Variants in HTR3A observed in about 807,000 individuals in gnomAD.
HTR3A encodes 5-hydroxytryptamine receptor 3A, also known as 5-hydroxytryptamine (serotonin) receptor 3A, ionotropic.
In HTR3A, 45 loss-of-function variants were observed where a neutral mutation model predicts 54.8. The ratio of observed to expected loss-of-function variants is 0.82; its 90% CI spans 0.65 to 1.05. The LOEUF is 1.05. Among genes scored for constraint, HTR3A ranks in the 50% least tolerant of loss-of-function variants. The pLI, the probability that HTR3A is intolerant of heterozygous loss-of-function variation, is 0.00. For missense variants in HTR3A, 657 were observed against 614.0 expected, an observed-to-expected ratio of 1.07 and a Z score of -0.74; for synonymous variants, 297 against 256.0, an observed-to-expected ratio of 1.16 and a Z score of -1.53.
chr11:113,976,232 C>T (rs1309648761), intron 1 of HTR3A, among the ~76,000 whole-genome samples: 2 of 152,062 alleles, frequency 1.3e-5, no homozygotes, highest in Non-Finnish European at 2.9e-5. Context: ...TAAGCAAACG[C>T]AAGCTGTAAG....
intron 3 of HTR3A, 123 bp downstream of exon 3, chr11:113,979,400 C>A: frequency 1.3e-6 from 1 of 759,592 alleles, no homozygotes; most frequent in South Asian, 1.4e-5. Flanking sequence ...CACCCTCAGC[C>A]TGAGATCCAG....
intron 2 of HTR3A, among the ~76,000 whole-genome samples, chr11:113,978,617 T>C (rs2137570386): frequency 6.6e-6 from 1 of 152,346 alleles, no homozygotes; most frequent in South Asian, 2.1e-4. Flanking sequence ...GCCATCCACC[T>C]GCCTAAGCTT....
intron 5 of HTR3A, among the ~76,000 whole-genome samples, chr11:113,985,709 G>C (rs980586278): frequency 6.6e-6 from 1 of 152,012 alleles, no homozygotes; most frequent in South Asian, 2.1e-4. Flanking sequence ...GTGTGTGTGT[G>C]TGTGTTTGTG....
At position 113,981,331 on chromosome 11, in the gene HTR3A, T is replaced by C; in HGVS notation, c.374+19T>C. 1 of 1,507,768 alleles carries C rather than the reference T, an allele frequency of 6.6e-7. No individual in the cohort carries two copies. The highest frequency in any genetic ancestry group is 9.2e-7 in the Non-Finnish European group (1 of 1,082,754). 93.4% of individuals were successfully genotyped at this position (1,507,768 alleles called of 1,614,324 possible). On this transcript the variant is annotated intron_variant, in intron 4 of 8. Coordinates refer to ENST00000504030, the MANE Select transcript of HTR3A (RefSeq NM_000869.6). Reference sequence around the variant, plus strand: ...ATGAGTTGTGAGTACCGTTATCCATTGTGAGGTGGCTGGGTGGCTTAGGAG... The same window carrying C: ...ATGAGTTGTGAGTACCGTTATCCATCGTGAGGTGGCTGGGTGGCTTAGGAG...
At position 113,989,826 on chromosome 11, in the gene HTR3A, C is replaced by T; in HGVS notation, c.*63C>T. 6.4e-7 allele frequency: 1 copy of T among 1,557,828 alleles called. No homozygotes were observed. Among genetic ancestry groups the T allele is most frequent in the Non-Finnish European group, 8.8e-7 (1 of 1,141,522 alleles). The stretch of plus-strand genomic sequence containing the variant: ...GTTAGGTGGGGACAGAGGATTTCTG[C>T]TTAGGCCCCTCAGGACCCAGGGAAT... On this transcript the variant is annotated 3_prime_UTR_variant, in exon 9 of 9. Coordinates refer to ENST00000504030, the MANE Select transcript of HTR3A (RefSeq NM_000869.6). This position sits in a 1 kb window ranked among gnomAD's most constrained non-coding sequence, Gnocchi z 4.4.
chr11:113,981,010 A>C (rs1309290546), intron 3 of HTR3A, 193 bp from the exon 4 acceptor site: 1 of 603,690 alleles, frequency 1.7e-6, no homozygotes, highest in African/African-American at 1.8e-5. Context: ...TTATGTGTGG[A>C]GGCAGAGTGT....
chr11:113,983,638 G>C (rs1014941955), intron 5 of HTR3A, among the ~76,000 whole-genome samples: 3 of 152,082 alleles, frequency 2.0e-5, no homozygotes, highest in Non-Finnish European at 4.4e-5. Flanking sequence ...TAATATATCA[G>C]TATTCAATGA....
Position 113,977,775 on chromosome 11 carries a change from G to A in HTR3A, c.72G>A (p.Arg24=), listed in dbSNP as rs758434064. The change falls in exon 2 of 9, where the codon AGG becomes AGA. Residue 24 remains arginine, a synonymous_variant. Transcript: ENST00000504030. ...LPTLLAQGEA[R]RSRNTTRPAL... is the part of the protein sequence containing the mutation. ...TTGAACTGTTCTCCTTCCCAGCCAG[G>A]AGGAGCCGAAACACCACCAGGCCCG... 2.5e-6 allele frequency: 4 copies of A among 1,614,010 alleles called. No individual in the cohort carries two copies. Among genetic ancestry groups the A allele is most frequent in the East Asian group, 4.5e-5 (2 of 44,872 alleles).
rs527468113 is a variant in HTR3A, at chr11:113,985,998, G to A, written c.545-17G>A. The A allele has an allele frequency of 5.0e-6, 8 of 1,614,078 alleles. No individual in the cohort carries two copies. Among genetic ancestry groups the A allele is most frequent in the Non-Finnish European group, 6.8e-6 (8 of 1,179,998 alleles). On this transcript the variant is annotated splice_polypyrimidine_tract_variant and intron_variant, in intron 5 of 8. Transcript: ENST00000504030. ...GGGTACTAGATTCCAAAGCTGGCTT[G>A]CTTTATTCTCTCTCAGTCCAGGACA...
chr11:113,989,757 C>T lies in HTR3A; in HGVS notation c.1431C>T (p.Tyr477=), dbSNP rs139863344. The T allele has an allele frequency of 1.9e-5, 31 of 1,610,066 alleles. No individual in the cohort carries two copies. In the East Asian group the frequency reaches 2.2e-4, roughly 12 times the overall value. Residue 477 remains tyrosine, a synonymous_variant, in exon 9 of 9, where the codon TAC becomes TAT. Coordinates refer to ENST00000504030, the MANE Select transcript of HTR3A (RefSeq NM_000869.6). The surrounding 1 kb of genome is among the most constrained non-coding windows in gnomAD (Gnocchi z 4.4). ...TLVMLWSIWQ[Y]A ...TTATGCTCTGGTCCATCTGGCAGTACGCTTGAGTGGGTACAGCCCAGTGGA... is the reference window on the plus strand; with the variant it reads ...TTATGCTCTGGTCCATCTGGCAGTATGCTTGAGTGGGTACAGCCCAGTGGA...
At position 113,989,372 on chromosome 11, in the gene HTR3A, A is replaced by G; in HGVS notation, c.1139-93A>G. On this transcript the variant is annotated intron_variant, in intron 8 of 8. Coordinates refer to ENST00000504030, the MANE Select transcript of HTR3A (RefSeq NM_000869.6). The surrounding 1 kb of genome is among the most constrained non-coding windows in gnomAD (Gnocchi z 4.4). ...AGTGAGAAAAAAAAAGTTATTCCCA[A>G]CAAAAATTTACAGGCTATAGAAGCA... The G allele has an allele frequency of 6.8e-7, 1 of 1,462,924 alleles. No individual in the cohort carries two copies. The allele number at this position is 1,462,924 out of a possible 1,614,324, so 90.6% of individuals were successfully genotyped here.
chr11:113,975,122 C>G lies in HTR3A; in HGVS notation c.-204C>G. The G allele has an allele frequency of 1.4e-6, 1 of 698,772 alleles. No homozygotes were observed. The highest frequency in any genetic ancestry group is 2.6e-6 in the Non-Finnish European group (1 of 384,202). The allele number at this position is 698,772 out of a possible 1,614,324, so 43.3% of individuals were successfully genotyped here. ...TCCTCCCGCCTGAAACATGATCCAG[C>G]TGAAGGACTGATTGCAGGAAAACTT... On this transcript the variant is annotated 5_prime_UTR_variant, in exon 1 of 9. Transcript: ENST00000504030.
In HTR3A at chr11:113,989,900, A is replaced by G. The variant is rs769124853; in HGVS notation, c.*137A>G. 15 of 978,068 alleles carry G rather than the reference A, an allele frequency of 1.5e-5. No homozygotes were observed. The African/African-American group carries it at 1.9e-4, about 12-fold the overall frequency. 60.6% of individuals were successfully genotyped at this position (978,068 alleles called of 1,614,324 possible). A position where few individuals can be genotyped will look rare whatever the true frequency, so the allele number is the denominator to read the frequency against. ...GACAAAGTCCCGTGCCCTGTTTCCA[A>G]TGCCAATTCATCTCAGCAATCACAA... On this transcript the variant is annotated 3_prime_UTR_variant, in exon 9 of 9. Transcript: ENST00000504030. The surrounding 1 kb of genome is among the most constrained non-coding windows in gnomAD (Gnocchi z 4.4).
intron 8 of HTR3A, among the ~76,000 whole-genome samples, chr11:113,988,384 G>A (rs1428513667): frequency 6.6e-6 from 1 of 152,196 alleles, no homozygotes; most frequent in Non-Finnish European, 1.5e-5. Context: ...CCTGAGCCTT[G>A]GTGGTCTCAT....
In HTR3A at chr11:113,975,347, G is replaced by A; in HGVS notation, c.22G>A (p.Ala8Thr). 6.2e-7 allele frequency: 1 copy of A among 1,613,374 alleles called. No homozygotes were observed. Among genetic ancestry groups the A allele is most frequent in the South Asian group, 1.1e-5 (1 of 91,074 alleles). The change falls in exon 1 of 9, where the codon GCG (alanine) becomes ACG (threonine). Residue 8 changes from alanine (A) to threonine (T), a missense_variant. Physicochemically the swap from Ala to Thr is moderately conservative, Grantham distance 58 (BLOSUM62 0). Transcript: ENST00000504030. MLLWVQQ[A>T]LLALLLPTLL... ...CGCTATGCTGCTGTGGGTCCAGCAG[G>A]CGCTGCTCGCCTTGCTCCTCCCCAC...
rs751691708 is a variant in HTR3A at position 113,986,884 on chromosome 11, A to C, written c.976A>C (p.Ile326Leu). The C allele has an allele frequency of 6.2e-7, 1 of 1,613,800 alleles. No homozygotes were observed. The highest frequency in any genetic ancestry group is 1.3e-5 in the African/African-American group (1 of 74,810). Reference sequence around the variant, plus strand: ...GATAAGTTTGGCCGAGACCATCTTCATTGTGCGGCTGGTGCACAAGCAAGA... The same window carrying C: ...GATAAGTTTGGCCGAGACCATCTTCCTTGTGCGGCTGGTGCACAAGCAAGA... ...LVISLAETIF[I>L]VRLVHKQDLQ... Residue 326 changes from isoleucine to leucine, a missense_variant, in exon 8 of 9, where the codon ATT becomes CTT. Transcript: ENST00000504030.
At position 113,983,130 on chromosome 11, in the gene HTR3A, G is replaced by C; in HGVS notation, c.385G>C (p.Gly129Arg). Residue 129 changes from glycine (G) to arginine (R), a missense_variant, in exon 5 of 9, where the codon GGG becomes CGG. By Grantham distance (125) the Gly-to-Arg change is moderately radical. Transcript: ENST00000504030. ...CTTTTCCCCCGCCAGCGTGGATGTG[G>C]GGAAGTCTCCAAATATCCCGTACGT... is the stretch of plus-strand genomic sequence containing the variant. ...DILINEFVDV[G>R]KSPNIPYVYI... The C allele has an allele frequency of 1.2e-6, 2 of 1,614,196 alleles. No homozygotes were observed.
At chr11:113,988,881 G>T (rs1269224869) in intron 8 of HTR3A, among the ~76,000 whole-genome samples, 1 of 152,166 alleles carries the variant, frequency 6.6e-6, no homozygotes, top group African/African-American at 2.4e-5. Context: ...AGATTGCTGA[G>T]GAAAGCCCAT....
rs770340360 is a variant in HTR3A, at chr11:113,983,160, A to G, written c.415A>G (p.Ile139Val). The change falls in exon 5 of 9, where the codon ATT becomes GTT. Residue 139 changes from isoleucine to valine, a missense_variant. Ile to Val is a conservative substitution (Grantham distance 29). Coordinates refer to ENST00000504030, the MANE Select transcript of HTR3A (RefSeq NM_000869.6). ...GKSPNIPYVY[I>V]RHQGEVQNYK... is the part of the protein sequence containing the mutation. Reference sequence around the variant, plus strand: ...GTCTCCAAATATCCCGTACGTGTATATTCGGCATCAAGGCGAAGTTCAGAA... The same window carrying G: ...GTCTCCAAATATCCCGTACGTGTATGTTCGGCATCAAGGCGAAGTTCAGAA... 37 of 1,614,214 alleles carry G rather than the reference A, an allele frequency of 2.3e-5. No homozygotes were observed. The highest frequency in any genetic ancestry group is 2.8e-5 in the Non-Finnish European group (33 of 1,180,036).
Sources: gnomAD v4.1 joint callset for allele counts (sites outside exome capture counted in the v4.1 genomes callset) on GRCh38, gnomAD v4.1.1 for gene constraint, Gnocchi (gnomAD v3.1) non-coding constraint, MANE v1.5 for transcripts, NCBI Gene and HGNC (gene_info 2026-07-23, HGNC 2026-07-21) for gene names.